The following CERS3 variants were observed in gnomAD, a reference collection of about 807,000 sequenced individuals.
CERS3 encodes the protein ceramide synthase 3.
CERS3 carries 33 observed loss-of-function variants against 50.3 expected under a neutral mutation model. That is an observed-to-expected ratio of 0.66 (90% CI 0.50 to 0.88). The LOEUF (loss-of-function observed/expected upper bound fraction) is 0.88. Among genes scored for constraint, CERS3 ranks in the 40% least tolerant of loss-of-function variants. The probability of loss-of-function intolerance (pLI) is 0.00; values close to 1 mark genes in which losing one functional copy is unlikely to be tolerated. For missense variants in CERS3, 470 were observed against 460.3 expected (o/e 1.02, Z -0.19); for synonymous variants, 176 against 155.2 (o/e 1.13, Z -0.99).
At chr15:100,465,659 C>CTTTT (rs574991706) in intron 10 of CERS3, among the ~76,000 whole-genome samples, 2 of 140,864 alleles carry the variant, frequency 1.4e-5, no homozygotes, top group African/African-American at 2.6e-5. Flanking sequence ...TTGTTTTGAA[C>CTTTT]TTTTTTTTTT....
chr15:100,504,319 C>T (rs1444884329), intron 2 of CERS3, among the ~76,000 whole-genome samples: 1 of 148,440 alleles, frequency 6.7e-6, no homozygotes, highest in Non-Finnish European at 1.5e-5. Context: ...TCTCGGCTCA[C>T]TGAAACCTCT....
intron 11 of CERS3, among the ~76,000 whole-genome samples, chr15:100,430,711 TG>T (rs1398923812): frequency 3.4e-5 from 5 of 145,454 alleles, no homozygotes; most frequent in Admixed American, 1.4e-4. Flanking sequence ...TTTCACTGTA[TG>T]AAAAAAATAC....
chr15:100,525,810 G>C (rs1227260386), intron 1 of CERS3, among the ~76,000 whole-genome samples: 2 of 152,248 alleles, frequency 1.3e-5, no homozygotes, highest in African/African-American at 2.4e-5. Context: ...TGATGGGCTT[G>C]ATTGTTGCAC....
chr15:100,531,065 C>G (rs191236533), upstream of CERS3, among the ~76,000 whole-genome samples: 127 of 152,208 alleles, frequency 8.3e-4, no homozygotes, highest in African/African-American at 2.9e-3. Flanking sequence ...GCCTGGGTGA[C>G]AGAGTGAGAC....
At chr15:100,463,426 T>A in intron 10 of CERS3, among the ~76,000 whole-genome samples, 1 of 99,464 alleles carries the variant, frequency 1.0e-5, no homozygotes. Flanking sequence ...AGAGTGAGAC[T>A]CTGTCTCAGA....
At chr15:100,491,658 T>C (rs1048747247) in intron 3 of CERS3, among the ~76,000 whole-genome samples, 1 of 152,174 alleles carries the variant, frequency 6.6e-6, no homozygotes, top group African/African-American at 2.4e-5. Flanking sequence ...CTTTACATTA[T>C]TGATTTGAGG....
At chr15:100,525,950 A>C (rs554218229) in intron 1 of CERS3, among the ~76,000 whole-genome samples, 11 of 152,090 alleles carry the variant, frequency 7.2e-5, no homozygotes, top group African/African-American at 2.7e-4. Flanking sequence ...AAAACCATAA[A>C]CTCGGGCTGT....
chr15:100,472,290 A>C (rs1242603849), intron 9 of CERS3, among the ~76,000 whole-genome samples: 2 of 152,210 alleles, frequency 1.3e-5, no homozygotes, highest in East Asian at 3.9e-4. Flanking sequence ...GCCTGGGGTC[A>C]ACAAGAATCA....
At chr15:100,451,564 G>A (rs1039008242) in intron 11 of CERS3, among the ~76,000 whole-genome samples, 2 of 152,014 alleles carry the variant, frequency 1.3e-5, no homozygotes, top group African/African-American at 4.8e-5. Flanking sequence ...AAAATTAGCC[G>A]GGTGTGGTGG....
chr15:100,465,127 A>T (rs926513086), intron 10 of CERS3, among the ~76,000 whole-genome samples: 46 of 152,112 alleles, frequency 3.0e-4, no homozygotes, highest in African/African-American at 1.1e-3. Flanking sequence ...CCTACCGTGT[A>T]TATCACCACA....
At chr15:100,461,242 TA>T (rs1046030525) in intron 10 of CERS3, among the ~76,000 whole-genome samples, 3 of 152,168 alleles carry the variant, frequency 2.0e-5, no homozygotes, top group Non-Finnish European at 2.9e-5. Context: ...AGTCACTGGG[TA>T]AAACTAGCTG....
At chr15:100,511,245 C>T (rs192814659) in intron 2 of CERS3, among the ~76,000 whole-genome samples, 206 of 152,238 alleles carry the variant, frequency 1.4e-3, no homozygotes, top group African/African-American at 4.8e-3. Context: ...GCCAAGATTA[C>T]ACCAATGCAC....
chr15:100,406,675 T>C (rs76387123), intron 11 of CERS3, among the ~76,000 whole-genome samples: 2,362 of 152,164 alleles, frequency 0.016, 67 homozygotes, highest in African/African-American at 0.054. Flanking sequence ...TCAAAAGCAC[T>C]CCCTCCTACA....
chr15:100,527,439 A>T (rs894631287), intron 1 of CERS3, among the ~76,000 whole-genome samples: 4 of 152,230 alleles, frequency 2.6e-5, no homozygotes, highest in African/African-American at 9.6e-5. Context: ...AGCAGGTGAT[A>T]GATTGATTGA....
intron 7 of CERS3, among the ~76,000 whole-genome samples, chr15:100,477,364 G>C (rs2035163050): frequency 6.6e-6 from 1 of 152,028 alleles, no homozygotes. Context: ...CCTCATCCTT[G>C]ATAAGGCCAT....
At chr15:100,469,324 T>C (rs1042961372) in intron 10 of CERS3, 54 bp downstream of exon 10, 3 of 1,377,950 alleles carry the variant, frequency 2.2e-6, no homozygotes, top group Admixed American at 1.7e-5. Context: ...AACCATGCAC[T>C]GAGGCCACCT....
intron 8 of CERS3, among the ~76,000 whole-genome samples, chr15:100,474,231 T>C (rs2035056081): frequency 6.6e-6 from 1 of 152,200 alleles, no homozygotes; most frequent in Non-Finnish European, 1.5e-5. Flanking sequence ...CAACTCTGAA[T>C]ATATGTTAAA....
rs1352466098 is a variant in CERS3 at position 100,402,020 on chromosome 15, A to T, written c.*693T>A. Reference sequence around the variant, plus strand: ...CCAGAGTCATTTAAGAGGAATTTTTAAAGATTCTGCCTTTTGTTCAGGCCC... The same window carrying T: ...CCAGAGTCATTTAAGAGGAATTTTTTAAGATTCTGCCTTTTGTTCAGGCCC... On this transcript the variant is annotated 3_prime_UTR_variant, in exon 12 of 12. Coordinates refer to ENST00000679737, the MANE Select transcript of CERS3 (RefSeq NM_001378789.1). 1 of 152,240 alleles carries T rather than the reference A, an allele frequency of 6.6e-6. No individual in the cohort carries two copies. The highest frequency in any genetic ancestry group is 2.4e-5 in the African/African-American group (1 of 41,460). 9.4% of individuals were successfully genotyped at this position (152,240 alleles called of 1,614,324 possible).
chr15:100,523,196 G>C (rs2036688045), intron 1 of CERS3, among the ~76,000 whole-genome samples: 1 of 152,022 alleles, frequency 6.6e-6, no homozygotes. Context: ...AAATTGCCTT[G>C]TTTCTGTTTT....
Sources: gnomAD v4.1 joint callset for allele counts (sites outside exome capture counted in the v4.1 genomes callset) on GRCh38, gnomAD v4.1.1 for gene constraint, MANE v1.5 for transcripts, NCBI Gene and HGNC (gene_info 2026-07-23, HGNC 2026-07-21) for gene names.